The following DSCAM variants were observed in gnomAD, a reference collection of about 807,000 sequenced individuals.
DSCAM encodes DS cell adhesion molecule.
In DSCAM, 47 loss-of-function variants were observed where a neutral mutation model predicts 217.7. That is an observed-to-expected ratio of 0.22 (90% CI 0.17 to 0.28). The LOEUF is 0.28. DSCAM is among the 10% of genes least tolerant of loss of function. DSCAM has a pLI of 1.00. For missense variants in DSCAM, 2,080 were observed against 2,618.3 expected (o/e 0.79, Z 4.49); for synonymous variants, 1,056 against 1,015.3 (o/e 1.04, Z -0.76).
intron 11 of DSCAM, among the ~76,000 whole-genome samples, chr21:40,189,717 T>C (rs2090935015): frequency 6.6e-6 from 1 of 152,246 alleles, no homozygotes. Context: ...GGATTTTCTC[T>C]GCACAAGTGC....
chr21:40,641,941 G>A (rs781354198), intron 3 of DSCAM, among the ~76,000 whole-genome samples: 5 of 151,524 alleles, frequency 3.3e-5, no homozygotes, highest in Admixed American at 6.6e-5. Flanking sequence ...CCAGCTACTC[G>A]GTAGACCGAG....
At chr21:40,714,191 G>A (rs1449026244) in intron 1 of DSCAM, among the ~76,000 whole-genome samples, 1 of 152,212 alleles carries the variant, frequency 6.6e-6, no homozygotes, top group Non-Finnish European at 1.5e-5. Context: ...TTAGGGCGGT[G>A]CTGAGACGAA....
chr21:40,170,200 G>A (rs2090641019), intron 15 of DSCAM, among the ~76,000 whole-genome samples: 2 of 152,140 alleles, frequency 1.3e-5, no homozygotes, highest in Non-Finnish European at 2.9e-5. Flanking sequence ...ATCAGGGTTT[G>A]CCGCCCATGC....
intron 3 of DSCAM, chr21:40,383,792 A>G (rs1331723362): frequency 6.6e-6 from 1 of 152,224 alleles, no homozygotes; most frequent in Non-Finnish European, 1.5e-5. Context: ...AAAAGTAGTA[A>G]TGCATTTTTT....
At chr21:40,159,066 G>C (rs1258240882) in intron 16 of DSCAM, among the ~76,000 whole-genome samples, 1 of 152,186 alleles carries the variant, frequency 6.6e-6, no homozygotes, top group African/African-American at 2.4e-5. Flanking sequence ...CTGGAAAATA[G>C]CTGTGCCCTC....
chr21:40,456,487 C>A (rs556606469), intron 3 of DSCAM, among the ~76,000 whole-genome samples: 102 of 151,914 alleles, frequency 6.7e-4, no homozygotes, highest in Admixed American at 1.8e-3. Context: ...GGAAAATAGG[C>A]AGGAATTGCA....
chr21:40,356,017 A>G (rs1187012216), intron 4 of DSCAM, among the ~76,000 whole-genome samples: 1 of 152,162 alleles, frequency 6.6e-6, no homozygotes, highest in Non-Finnish European at 1.5e-5. Flanking sequence ...TATAGGAATG[A>G]TATTCCTATG....
chr21:40,672,019 A>G (rs1017240406), intron 3 of DSCAM, among the ~76,000 whole-genome samples: 6 of 152,156 alleles, frequency 3.9e-5, no homozygotes, highest in Non-Finnish European at 8.8e-5. Context: ...CTCTCTTCCA[A>G]ACTTGCAGAC....
intron 7 of DSCAM, 148 bp downstream of exon 7, chr21:40,338,971 T>C (rs116990458): frequency 0.02 from 20,959 of 1,035,310 alleles, 263 homozygotes; most frequent in Middle Eastern, 0.038. Flanking sequence ...GTCAGTGCCA[T>C]TCCTGAGTAG....
At chr21:40,616,549 G>T (rs1294659883) in intron 3 of DSCAM, among the ~76,000 whole-genome samples, 1 of 152,158 alleles carries the variant, frequency 6.6e-6, no homozygotes, top group Admixed American at 6.5e-5. Context: ...AGGAGTGAGT[G>T]TGTCTTGCGC....
At chr21:40,733,076 C>T (rs1187033442) in intron 1 of DSCAM, among the ~76,000 whole-genome samples, 5 of 152,188 alleles carry the variant, frequency 3.3e-5, no homozygotes, top group African/African-American at 4.8e-5. Flanking sequence ...ACAAAAGAGG[C>T]CCCAGGTATG....
chr21:40,617,031 A>C (rs1351070776), intron 3 of DSCAM, among the ~76,000 whole-genome samples: 1 of 150,664 alleles, frequency 6.6e-6, no homozygotes, highest in Non-Finnish European at 1.5e-5. Flanking sequence ...AAAAAAAAAA[A>C]AAGAATGGTT....
intron 3 of DSCAM, among the ~76,000 whole-genome samples, chr21:40,682,638 A>G (rs990549768): frequency 7.4e-6 from 1 of 134,634 alleles, no homozygotes; most frequent in Non-Finnish European, 1.6e-5. Context: ...AGAGAGAAAG[A>G]AAGAGGAAGG....
chr21:40,078,592 C>T, intron 26 of DSCAM, 95 bp downstream of exon 26: 1 of 1,510,858 alleles, frequency 6.6e-7, no homozygotes. Flanking sequence ...ACTGGTCAAA[C>T]TATGGCAAAG....
chr21:40,719,327 T>C (rs376979924), intron 1 of DSCAM, among the ~76,000 whole-genome samples: 168 of 152,288 alleles, frequency 1.1e-3, no homozygotes, highest in African/African-American at 3.8e-3. Context: ...CTTAAGAATG[T>C]GGAGCAACAA....
intron 1 of DSCAM, among the ~76,000 whole-genome samples, chr21:40,777,116 G>T (rs1372236863): frequency 3.3e-5 from 5 of 152,170 alleles, no homozygotes; most frequent in East Asian, 3.9e-4. Flanking sequence ...GGCAGGTTCA[G>T]TGTCTGGTGA....
intron 1 of DSCAM, among the ~76,000 whole-genome samples, chr21:40,804,753 G>A (rs2091770947): frequency 6.6e-6 from 1 of 152,098 alleles, no homozygotes. Flanking sequence ...ATCTGTTCAT[G>A]CTACCTGTGC....
chr21:40,459,974 G>A (rs182042638), intron 3 of DSCAM, among the ~76,000 whole-genome samples: 1 of 152,266 alleles, frequency 6.6e-6, no homozygotes, highest in East Asian at 1.9e-4. Flanking sequence ...CATGTCCTTT[G>A]CTGGGACACA....
chr21:40,769,559 T>C (rs1356089259), intron 1 of DSCAM, among the ~76,000 whole-genome samples: 1 of 152,188 alleles, frequency 6.6e-6, no homozygotes, highest in Non-Finnish European at 1.5e-5. Flanking sequence ...CCTTCAACCA[T>C]CCCTGGAGAG....
Sources: allele counts gnomAD v4.1 joint callset (sites outside exome capture counted in the v4.1 genomes callset), GRCh38; gene constraint gnomAD v4.1.1; transcripts MANE v1.5; gene names NCBI Gene and HGNC (gene_info 2026-07-23, HGNC 2026-07-21).